The following PRKN variants were observed in gnomAD, a reference collection of about 807,000 sequenced individuals.
PRKN encodes parkin RBR E3 ubiquitin protein ligase.
A neutral mutation model predicts 59.5 loss-of-function variants in PRKN; 56 were observed. The observed-to-expected ratio is 0.94, with a 90% CI of 0.76 to 1.18. PRKN has a LOEUF of 1.18. Among genes scored for constraint, PRKN ranks in the 50% most tolerant of loss-of-function variants. PRKN has a pLI of 0.00. For synonymous variants in PRKN, 250 were observed against 222.1 expected, an observed-to-expected ratio of 1.13 and a Z score of -1.12; for missense variants, 657 against 596.4, an observed-to-expected ratio of 1.10 and a Z score of -1.06.
chr6:162,266,687 C>A (rs1780152571), intron 2 of PRKN, among the ~76,000 whole-genome samples: 1 of 152,128 alleles, frequency 6.6e-6, no homozygotes, highest in African/African-American at 2.4e-5. Flanking sequence ...CCTTTCCCAG[C>A]TTTCTGCCAT....
chr6:161,981,546 C>CA (rs1294831704), intron 5 of PRKN, among the ~76,000 whole-genome samples: 2 of 151,800 alleles, frequency 1.3e-5, no homozygotes, highest in African/African-American at 4.8e-5. Context: ...AAAAACAAAC[C>CA]AAAAAATGCC....
chr6:162,235,938 G>A (rs146433809), intron 3 of PRKN, among the ~76,000 whole-genome samples: 21,784 of 103,656 alleles, frequency 0.21, 2,766 homozygotes, highest in African/African-American at 0.37. Context: ...AGGAAGGAAG[G>A]AAGGAAGGAA....
chr6:161,940,962 A>G (rs1026231133), intron 6 of PRKN, among the ~76,000 whole-genome samples: 6 of 152,220 alleles, frequency 3.9e-5, no homozygotes, highest in African/African-American at 1.4e-4. Flanking sequence ...TGCTTTGGAC[A>G]CAGAATATTA....
intron 6 of PRKN, among the ~76,000 whole-genome samples, chr6:161,914,381 C>T (rs1183317971): frequency 6.6e-6 from 1 of 151,936 alleles, no homozygotes; most frequent in East Asian, 1.9e-4. Context: ...GGCATGCATA[C>T]TTCTATATTA....
intron 3 of PRKN, among the ~76,000 whole-genome samples, chr6:162,236,021 G>GAAAGAAAGAAAGAAAGAA (rs1287554689): frequency 6.7e-6 from 1 of 148,606 alleles, no homozygotes; most frequent in African/African-American, 2.5e-5. Context: ...AAGAAAGAAA[G>GAAAGAAAGAAAGAAAGAA]AAACTCCTCA....
chr6:161,411,143 C>A (rs1343373201), intron 9 of PRKN, among the ~76,000 whole-genome samples: 1 of 152,092 alleles, frequency 6.6e-6, no homozygotes, highest in Non-Finnish European at 1.5e-5. Flanking sequence ...ACTCATGAGA[C>A]CCTGGAGGCT....
At chr6:162,342,715 C>CA (rs1784234597) in intron 2 of PRKN, among the ~76,000 whole-genome samples, 1 of 152,150 alleles carries the variant, frequency 6.6e-6, no homozygotes, top group African/African-American at 2.4e-5. Flanking sequence ...CTTGTGTTGT[C>CA]ATTTGCCGCA....
intron 6 of PRKN, among the ~76,000 whole-genome samples, chr6:161,963,040 G>A (rs1357604849): frequency 6.6e-6 from 1 of 152,134 alleles, no homozygotes; most frequent in East Asian, 2.0e-4. Flanking sequence ...CTACTCAGGA[G>A]GCTGAGGCAG....
At chr6:162,161,052 T>C (rs1409587892) in intron 4 of PRKN, among the ~76,000 whole-genome samples, 1 of 152,130 alleles carries the variant, frequency 6.6e-6, no homozygotes, top group African/African-American at 2.4e-5. Flanking sequence ...CACCACCCCC[T>C]GCATTCTAAT....
At chr6:161,833,426 T>C (rs1422081132) in intron 6 of PRKN, among the ~76,000 whole-genome samples, 1 of 152,244 alleles carries the variant, frequency 6.6e-6, no homozygotes, top group African/African-American at 2.4e-5. Context: ...TGCTAATCCC[T>C]AGCCTAGAAA....
chr6:161,684,572 T>G (rs1225103900), intron 7 of PRKN, among the ~76,000 whole-genome samples: 1 of 152,048 alleles, frequency 6.6e-6, no homozygotes, highest in Admixed American at 6.5e-5. Context: ...ACCAATAAAA[T>G]CTGTTATCAC....
chr6:162,328,137 G>A (rs915212373), intron 2 of PRKN, among the ~76,000 whole-genome samples: 5 of 152,190 alleles, frequency 3.3e-5, no homozygotes, highest in Non-Finnish European at 5.9e-5. Flanking sequence ...AAGGCAGGCG[G>A]GTCACAAAGT....
chr6:161,995,914 G>T (rs1250548073), intron 5 of PRKN, among the ~76,000 whole-genome samples: 1 of 152,108 alleles, frequency 6.6e-6, no homozygotes, highest in Non-Finnish European at 1.5e-5. Context: ...GGCTGAGGTG[G>T]GAAGACTGCT....
At chr6:161,690,538 C>T (rs143334647) in intron 7 of PRKN, among the ~76,000 whole-genome samples, 1 of 152,290 alleles carries the variant, frequency 6.6e-6, no homozygotes, top group Non-Finnish European at 1.5e-5. Context: ...TCATGGGATG[C>T]CCAGATATCT....
intron 7 of PRKN, among the ~76,000 whole-genome samples, chr6:161,586,527 G>A (rs1347743738): frequency 1.3e-5 from 2 of 152,046 alleles, no homozygotes; most frequent in African/African-American, 2.4e-5. Flanking sequence ...TTTGTGAAAC[G>A]AATCAATCAA....
intron 6 of PRKN, among the ~76,000 whole-genome samples, chr6:161,969,728 T>G (rs1319324554): frequency 6.6e-6 from 1 of 152,194 alleles, no homozygotes; most frequent in Non-Finnish European, 1.5e-5. Context: ...TATTTACAGA[T>G]AAATTAATAC....
intron 6 of PRKN, among the ~76,000 whole-genome samples, chr6:161,805,844 G>GTCCC (rs1157570219): frequency 1.3e-5 from 2 of 152,160 alleles, no homozygotes; most frequent in Admixed American, 1.3e-4. Context: ...AATAGATGCT[G>GTCCC]TCCCTCCTAT....
At chr6:162,011,822 T>C (rs924887082) in intron 5 of PRKN, among the ~76,000 whole-genome samples, 2 of 151,956 alleles carry the variant, frequency 1.3e-5, no homozygotes, top group East Asian at 1.9e-4. Flanking sequence ...CTTTACAAAA[T>C]AGCAACTATC....
chr6:162,338,246 TCTCTCCCTCTCC>T (rs748177724), intron 2 of PRKN, among the ~76,000 whole-genome samples: 51 of 151,866 alleles, frequency 3.4e-4, no homozygotes, highest in Admixed American at 5.9e-4. Flanking sequence ...AAAAGAGTGT[TCTCTCCCTCTCC>T]CTCTCCCTCT....
Sources: allele counts gnomAD v4.1 joint callset (sites outside exome capture counted in the v4.1 genomes callset), GRCh38; gene constraint gnomAD v4.1.1; transcripts MANE v1.5; gene names NCBI Gene and HGNC (gene_info 2026-07-23, HGNC 2026-07-21).